The following INTS9 variants were observed in gnomAD, a reference collection of about 807,000 sequenced individuals.
INTS9 encodes integrator complex subunit 9, also known as protein related to CPSF subunits of 74 kDa.
In INTS9, 55 loss-of-function variants were observed where a neutral mutation model predicts 79.7. The observed-to-expected ratio is 0.69, with a 90% CI of 0.56 to 0.86. The LOEUF is 0.86. Among genes scored for constraint, INTS9 ranks in the 40% least tolerant of loss-of-function variants. INTS9 has a pLI of 0.00. For synonymous variants in INTS9, 319 were observed against 325.2 expected (o/e 0.98, Z 0.20); for missense variants, 721 against 831.5 (o/e 0.87, Z 1.64).
rs770618087 is a variant in INTS9 at position 28,770,965 on chromosome 8, C to T, written c.1662+17G>A. 32 of 1,603,900 alleles carry T rather than the reference C, an allele frequency of 2.0e-5. 1 individual carries two copies. In the Admixed American group the frequency reaches 2.3e-4, roughly 12 times the overall value. ...CTGGGGAGAGGGTCCCCTGCACTCC[C>T]ACCCAGCACCCCCTACCTGAAGCAA... On this transcript the variant is annotated intron_variant, in intron 15 of 16. Transcript: ENST00000521022.
intron 2 of INTS9, among the ~76,000 whole-genome samples, chr8:28,857,455 A>G (rs1277842603): frequency 6.6e-6 from 1 of 152,160 alleles, no homozygotes; most frequent in Non-Finnish European, 1.5e-5. Flanking sequence ...CAGAGTGAAG[A>G]CTGGACAGGG....
rs35799882 is a variant in INTS9 at position 28,884,168 on chromosome 8, CTTTTTTTTTTTTTTTTTTT to C, written c.9+5687_9+5705del. 6.4e-5 allele frequency among the ~76,000 whole-genome samples: 3 copies of C among 46,946 alleles called. No homozygotes were observed. In the Admixed American group the frequency reaches 8.9e-4, roughly 14 times the overall value. 30.8% of individuals were successfully genotyped at this position (46,946 alleles called of 152,430 possible). On this transcript the variant is annotated intron_variant, in intron 1 of 16. Transcript: ENST00000521022. ...TACCAAAAGTCTGTCATCAGTGTATCTTTTTTTTTTTTTTTTTTTTTTTTTTTTTTGGTTGGAGACAGGG... is the reference window on the plus strand; with the variant it reads ...TACCAAAAGTCTGTCATCAGTGTATCTTTTTTTTTTTGGTTGGAGACAGGG...
At chr8:28,871,723 G>A (rs1375778857) in intron 1 of INTS9, among the ~76,000 whole-genome samples, 1 of 152,024 alleles carries the variant, frequency 6.6e-6, no homozygotes, top group Non-Finnish European at 1.5e-5. Context: ...GAACTTTTAA[G>A]GCATGATCCT....
intron 1 of INTS9, among the ~76,000 whole-genome samples, chr8:28,884,431 T>A (rs972268677): frequency 6.6e-6 from 1 of 152,098 alleles, no homozygotes; most frequent in African/African-American, 2.4e-5. Context: ...GTGATCCTCC[T>A]CCTCAGCTTC....
chr8:28,774,748 C>T (rs1454776909), intron 14 of INTS9, among the ~76,000 whole-genome samples: 1 of 150,246 alleles, frequency 6.7e-6, no homozygotes, highest in Non-Finnish European at 1.5e-5. Context: ...TTTCTTTTTC[C>T]TGTCTGTTGA....
chr8:28,771,232 C>T (rs954475823), intron 14 of INTS9, 152 bp from the exon 15 acceptor site: 10 of 687,998 alleles, frequency 1.5e-5, no homozygotes, highest in African/African-American at 5.3e-5. Context: ...CTTGCTCTGT[C>T]GCCCAGGTGA....
chr8:28,778,082 G>A (rs1318294210), intron 12 of INTS9, 129 bp from the exon 13 acceptor site: 1 of 1,018,226 alleles, frequency 9.8e-7, no homozygotes, highest in Non-Finnish European at 1.4e-6. Context: ...AGCACACGTG[G>A]GGGACGGAGG....
chr8:28,875,236 T>C (rs1370965230), intron 1 of INTS9, among the ~76,000 whole-genome samples: 1 of 152,158 alleles, frequency 6.6e-6, no homozygotes, highest in Non-Finnish European at 1.5e-5. Context: ...TAGGAGGATG[T>C]CTTGGGGGAA....
chr8:28,841,280 C>G (rs573011271), intron 4 of INTS9, among the ~76,000 whole-genome samples: 1 of 152,328 alleles, frequency 6.6e-6, no homozygotes, highest in South Asian at 2.1e-4. Flanking sequence ...TGGTCCTACT[C>G]TCCACTACCT....
intron 10 of INTS9, among the ~76,000 whole-genome samples, chr8:28,788,980 G>A (rs1363174170): frequency 1.3e-5 from 2 of 152,144 alleles, no homozygotes; most frequent in Non-Finnish European, 2.9e-5. Flanking sequence ...GGACTTCAGG[G>A]CTTGGATTTT....
chr8:28,828,876 T>C (rs1372520055), intron 6 of INTS9, among the ~76,000 whole-genome samples: 1 of 152,082 alleles, frequency 6.6e-6, no homozygotes, highest in Non-Finnish European at 1.5e-5. Context: ...AGAGACGGGG[T>C]TTCACCATAT....
chr8:28,855,155 T>C (rs555803359), intron 2 of INTS9, among the ~76,000 whole-genome samples: 2 of 152,324 alleles, frequency 1.3e-5, no homozygotes, highest in South Asian at 2.1e-4. Flanking sequence ...ACTGTAGTCA[T>C]AGATGATCTC....
intron 5 of INTS9, among the ~76,000 whole-genome samples, chr8:28,837,254 T>C (rs866301757): frequency 6.6e-6 from 1 of 151,870 alleles, no homozygotes; most frequent in Non-Finnish European, 1.5e-5. Context: ...AAAGGGGGAA[T>C]TTTTGAAAGC....
intron 4 of INTS9, among the ~76,000 whole-genome samples, chr8:28,840,949 A>G (rs1807145840): frequency 6.6e-6 from 1 of 151,928 alleles, no homozygotes; most frequent in African/African-American, 2.4e-5. Context: ...AATTAAAAAA[A>G]TAAATAAAGT....
intron 6 of INTS9, among the ~76,000 whole-genome samples, chr8:28,819,550 G>A (rs1306954844): frequency 6.6e-6 from 1 of 152,200 alleles, no homozygotes; most frequent in Non-Finnish European, 1.5e-5. Flanking sequence ...TTTTACATTT[G>A]CTGAGGAGAG....
chr8:28,881,141 C>T (rs1189428609), intron 1 of INTS9, among the ~76,000 whole-genome samples: 3 of 148,894 alleles, frequency 2.0e-5, no homozygotes, highest in Non-Finnish European at 4.5e-5. Context: ...GTCAGCCCCC[C>T]GCCCGGCTGG....
chr8:28,814,009 T>C (rs966684151), intron 6 of INTS9, among the ~76,000 whole-genome samples: 2 of 151,110 alleles, frequency 1.3e-5, no homozygotes, highest in East Asian at 3.9e-4. Flanking sequence ...TAGGCCCAAC[T>C]CGGCCTCCCA....
chr8:28,885,736 G>C (rs1297563945), intron 1 of INTS9, among the ~76,000 whole-genome samples: 2 of 152,046 alleles, frequency 1.3e-5, no homozygotes, highest in Non-Finnish European at 2.9e-5. Context: ...ATGTTCTTTC[G>C]GTAAGGACCT....
intron 1 of INTS9, among the ~76,000 whole-genome samples, chr8:28,871,352 T>C (rs1377643230): frequency 2.6e-5 from 4 of 152,330 alleles, no homozygotes; most frequent in African/African-American, 9.6e-5. Flanking sequence ...TTATGGAATC[T>C]GAGCAAGGAA....
Sources: allele counts gnomAD v4.1 joint callset (sites outside exome capture counted in the v4.1 genomes callset), GRCh38; gene constraint gnomAD v4.1.1; transcripts MANE v1.5; gene names NCBI Gene and HGNC (gene_info 2026-07-23, HGNC 2026-07-21).